The following MAML3 variants were observed in gnomAD, a reference collection of about 807,000 sequenced individuals.
MAML3 encodes mastermind like transcriptional coactivator 3.
MAML3 carries 27 observed loss-of-function variants against 101.9 expected under a neutral mutation model. The ratio of observed to expected loss-of-function variants is 0.27; its 90% CI spans 0.20 to 0.37. The LOEUF (loss-of-function observed/expected upper bound fraction) is 0.37. MAML3 is among the 10% of genes least tolerant of loss of function. The pLI, the probability that MAML3 is intolerant of heterozygous loss-of-function variation, is 1.00. For missense variants in MAML3, 1,316 were observed against 1,444.9 expected, an observed-to-expected ratio of 0.91 and a Z score of 1.45; for synonymous variants, 501 against 555.9, an observed-to-expected ratio of 0.90 and a Z score of 1.39.
rs545478505 is a variant in MAML3, at chr4:139,881,895, T to C, written c.2079+7462A>G. ...TTTGCATTTTTAGTAGAGACGGGGT[T>C]TCACCATATTGGCCAGGATGGTCTC... On this transcript the variant is annotated intron_variant, in intron 2 of 4. Transcript: ENST00000509479. 2.0e-4 allele frequency among the ~76,000 whole-genome samples: 30 copies of C among 152,220 alleles called. 1 individual carries two copies. The East Asian group carries it at 5.4e-3, about 27-fold the overall frequency.
At chr4:140,040,477 C>T (rs1376457208) in intron 1 of MAML3, among the ~76,000 whole-genome samples, 3 of 152,208 alleles carry the variant, frequency 2.0e-5, no homozygotes, top group Non-Finnish European at 2.9e-5. Flanking sequence ...TGCAACTCTC[C>T]CTCTCCTACA....
At chr4:139,948,087 C>G (rs142050463) in intron 1 of MAML3, among the ~76,000 whole-genome samples, 1 of 141,888 alleles carries the variant, frequency 7.0e-6, no homozygotes, top group South Asian at 2.2e-4. Context: ...GCAACAAGAG[C>G]GAGACTCCAT....
At chr4:140,152,810 C>CCCCCCCACCCCCA in intron 1 of MAML3, 50 bp downstream of exon 1, 1 of 1,574,052 alleles carries the variant, frequency 6.4e-7, no homozygotes, top group Admixed American at 1.8e-5. Context: ...CCCCCACCAC[C>CCCCCCCACCCCCA]ACCACCACCC....
chr4:139,744,418 G>A (rs150816088), intron 2 of MAML3, among the ~76,000 whole-genome samples: 15 of 152,268 alleles, frequency 9.9e-5, no homozygotes, highest in African/African-American at 3.4e-4. Flanking sequence ...CACCCCCCAG[G>A]AGCATGGGTT....
intron 2 of MAML3, among the ~76,000 whole-genome samples, chr4:139,832,477 G>A (rs984527200): frequency 6.6e-6 from 1 of 151,994 alleles, no homozygotes; most frequent in African/African-American, 2.4e-5. Flanking sequence ...GGAGTTGGGT[G>A]TATTTACCAT....
intron 2 of MAML3, among the ~76,000 whole-genome samples, chr4:139,873,151 C>A (rs1287390128): frequency 6.6e-6 from 1 of 152,102 alleles, no homozygotes; most frequent in Non-Finnish European, 1.5e-5. Context: ...TAAATAAAAG[C>A]AAGGCTTCAC....
intron 1 of MAML3, among the ~76,000 whole-genome samples, chr4:140,058,896 A>C (rs1727397917): frequency 6.6e-6 from 1 of 152,246 alleles, no homozygotes; most frequent in Non-Finnish European, 1.5e-5. Context: ...AATCGGTATG[A>C]GACAAATGAA....
chr4:140,098,134 G>A (rs1172940806), intron 1 of MAML3, among the ~76,000 whole-genome samples: 1 of 152,146 alleles, frequency 6.6e-6, no homozygotes, highest in Non-Finnish European at 1.5e-5. Flanking sequence ...CAAAAACTGG[G>A]AGAACTTCTA....
intron 1 of MAML3, among the ~76,000 whole-genome samples, chr4:140,136,578 C>A (rs1487512663): frequency 1.3e-5 from 2 of 152,120 alleles, no homozygotes; most frequent in African/African-American, 2.4e-5. Flanking sequence ...AAATAATGTA[C>A]GATATTAGGA....
At chr4:139,779,905 C>A (rs1730167409) in intron 2 of MAML3, among the ~76,000 whole-genome samples, 1 of 152,220 alleles carries the variant, frequency 6.6e-6, no homozygotes, top group African/African-American at 2.4e-5. Context: ...TGTCACAGAT[C>A]AGTCTTCGTT....
intron 1 of MAML3, among the ~76,000 whole-genome samples, chr4:140,102,652 T>C (rs1446180579): frequency 6.6e-6 from 1 of 152,082 alleles, no homozygotes; most frequent in African/African-American, 2.4e-5. Context: ...AGGATTAGGG[T>C]TTCAGCCTAT....
Position 140,152,963 on chromosome 4 carries a change from G to A in MAML3, c.365C>T (p.Ala122Val). Residue 122 changes from alanine (A) to valine (V), a missense_variant, in exon 1 of 5, where the codon GCC (alanine) becomes GTC (valine). Coordinates refer to ENST00000509479, the MANE Select transcript of MAML3 (RefSeq NM_018717.5). ...SLYQRTLEQR[A>V]KKSGAGTGKQ... ...GCCGGTGCCGGCGCCCGATTTCTTG[G>A]CCCTCTGCTCCAGGGTCCGCTGGTA... is the stretch of plus-strand genomic sequence containing the variant. 2 of 1,611,838 alleles carry A rather than the reference G, an allele frequency of 1.2e-6. No homozygotes were observed. Among genetic ancestry groups the A allele is most frequent in the Admixed American group, 1.7e-5 (1 of 59,808 alleles).
chr4:139,905,471 G>A (rs766112614), intron 1 of MAML3, among the ~76,000 whole-genome samples: 30 of 105,010 alleles, frequency 2.9e-4, no homozygotes, highest in Admixed American at 1.8e-3. Flanking sequence ...CAGCCCGGGC[G>A]GCAGAGCAAG....
chr4:140,128,997 C>T (rs543237977), intron 1 of MAML3, among the ~76,000 whole-genome samples: 103 of 152,200 alleles, frequency 6.8e-4, no homozygotes, highest in African/African-American at 2.0e-3. Flanking sequence ...TCATCAGAGT[C>T]GTAGTCACAC....
intron 2 of MAML3, among the ~76,000 whole-genome samples, chr4:139,792,808 A>C (rs369714525): frequency 1.1e-4 from 17 of 150,268 alleles, no homozygotes; most frequent in East Asian, 9.8e-4. Flanking sequence ...GCAGTGGTGC[A>C]ATCTCGGCTC....
At chr4:140,010,810 A>G (rs1182737558) in intron 1 of MAML3, among the ~76,000 whole-genome samples, 1 of 152,158 alleles carries the variant, frequency 6.6e-6, no homozygotes, top group Non-Finnish European at 1.5e-5. Flanking sequence ...CCCATTAAAC[A>G]ATATACATGA....
At chr4:139,794,085 T>C (rs761460747) in intron 2 of MAML3, 1 of 152,252 alleles carries the variant, frequency 6.6e-6, no homozygotes, top group African/African-American at 2.4e-5. Context: ...AAGCAACTTA[T>C]AAATCATTAT....
At chr4:139,891,307 C>T (rs891498735) in intron 1 of MAML3, among the ~76,000 whole-genome samples, 1 of 152,158 alleles carries the variant, frequency 6.6e-6, no homozygotes, top group Admixed American at 6.5e-5. Context: ...GAGATGGAGT[C>T]TTGCTCTGTT....
chr4:139,752,042 T>A, intron 2 of MAML3, among the ~76,000 whole-genome samples: 1 of 152,196 alleles, frequency 6.6e-6, no homozygotes, highest in South Asian at 2.1e-4. Flanking sequence ...GGAATAGCCT[T>A]ATCTTTTCTC....
Sources: gnomAD v4.1 joint callset for allele counts (sites outside exome capture counted in the v4.1 genomes callset) on GRCh38, gnomAD v4.1.1 for gene constraint, MANE v1.5 for transcripts, NCBI Gene and HGNC (gene_info 2026-07-23, HGNC 2026-07-21) for gene names.